Variants in TELO2 observed in about 807,000 individuals in gnomAD.
TELO2 encodes telomere maintenance 2.
TELO2 carries 71 observed loss-of-function variants against 91.0 expected under a neutral mutation model. The ratio of observed to expected loss-of-function variants is 0.78; its 90% CI spans 0.64 to 0.95. The LOEUF (loss-of-function observed/expected upper bound fraction) is 0.95, where lower values mean the gene tolerates loss of function less well. Among genes scored for constraint, TELO2 ranks in the 40% least tolerant of loss-of-function variants. The probability of loss-of-function intolerance (pLI) is 0.00; values close to 1 mark genes in which losing one functional copy is unlikely to be tolerated. For synonymous variants in TELO2, 584 were observed against 518.9 expected (o/e 1.13, Z -1.71); for missense variants, 1,183 against 1,141.3 (o/e 1.04, Z -0.53).
intron 20 of TELO2, among the ~76,000 whole-genome samples, chr16:1,508,385 C>T (rs2039986365): frequency 6.6e-6 from 1 of 152,240 alleles, no homozygotes; most frequent in South Asian, 2.1e-4. Context: ...CCCGCCTCAG[C>T]CTCCCAAAGT....
intron 10 of TELO2, 30 bp from the exon 11 acceptor site, chr16:1,501,633 A>G (rs2039683986): frequency 1.3e-6 from 2 of 1,590,278 alleles, no homozygotes; most frequent in East Asian, 2.2e-5. Context: ...AGGGGCCCCT[A>G]AAGGATTTTT....
chr16:1,502,571 C>A (rs2039729884), intron 13 of TELO2, 74 bp from the exon 14 acceptor site: 2 of 1,559,768 alleles, frequency 1.3e-6, no homozygotes, highest in Non-Finnish European at 1.7e-6. Context: ...GTGGCTCCGG[C>A]CCTGTGAGCC....
At chr16:1,496,025 G>A (rs1009145240) in intron 3 of TELO2, among the ~76,000 whole-genome samples, 1 of 152,234 alleles carries the variant, frequency 6.6e-6, no homozygotes, top group African/African-American at 2.4e-5. Flanking sequence ...TCCCTGGGGC[G>A]CCAGATGGCG....
intron 15 of TELO2, among the ~76,000 whole-genome samples, chr16:1,504,650 C>T (rs1222673438): frequency 3.4e-5 from 5 of 148,088 alleles, no homozygotes; most frequent in South Asian, 2.2e-4. Context: ...CTCCCCCTCC[C>T]GGGTTCACGC....
chr16:1,501,316 C>G, intron 9 of TELO2, 104 bp from the exon 10 acceptor site: 1 of 1,239,232 alleles, frequency 8.1e-7, no homozygotes, highest in Non-Finnish European at 1.1e-6. Context: ...TGAGTGAGAC[C>G]GGGCTGCGAG....
At position 1,497,584 on chromosome 16, in the gene TELO2, T is replaced by G; in HGVS notation, c.830+76T>G. ...CCCAGAGGCTGCCATTCCTTCACGC[T>G]ACTTCTCCTGGGCGCCGTGCTGCAG... On this transcript the variant is annotated intron_variant, in intron 5 of 20. Coordinates refer to ENST00000262319, the MANE Select transcript of TELO2 (RefSeq NM_016111.4). This position sits in a 1 kb window ranked among gnomAD's most constrained non-coding sequence, Gnocchi z 4.0. 1 of 1,472,594 alleles carries G rather than the reference T, an allele frequency of 6.8e-7. No individual in the cohort carries two copies. Among genetic ancestry groups the G allele is most frequent in the Non-Finnish European group, 9.0e-7 (1 of 1,109,754 alleles). The allele number at this position is 1,472,594 out of a possible 1,614,324, so 91.2% of individuals were successfully genotyped here.
chr16:1,508,929 C>T (rs916226645), intron 20 of TELO2, among the ~76,000 whole-genome samples: 1 of 152,154 alleles, frequency 6.6e-6, no homozygotes, highest in Admixed American at 6.5e-5. Flanking sequence ...CTGGGCTTTG[C>T]TTCTTTCAAG....
At chr16:1,495,988 C>T (rs1350003638) in intron 3 of TELO2, among the ~76,000 whole-genome samples, 1 of 152,214 alleles carries the variant, frequency 6.6e-6, no homozygotes, top group Non-Finnish European at 1.5e-5. Context: ...CTGCAGGGCC[C>T]CGTGAGCGCC....
In TELO2 at chr16:1,499,407, G is replaced by C. The variant is rs1445353245; in HGVS notation, c.933+74G>C. 10 of 1,532,118 alleles carry C rather than the reference G, an allele frequency of 6.5e-6. No homozygotes were observed. The Admixed American group carries it at 6.7e-5, about 10-fold the overall frequency. 94.9% of individuals were successfully genotyped at this position (1,532,118 alleles called of 1,614,324 possible). On this transcript the variant is annotated intron_variant, in intron 6 of 20. Coordinates refer to ENST00000262319, the MANE Select transcript of TELO2 (RefSeq NM_016111.4). ...AGAATGGCTGCAAAACATGGGGTCG[G>C]AGCGGTGTCTGCTGCCTGGGAGACC...
chr16:1,505,611 G>C lies in TELO2; in HGVS notation c.2034+10G>C. The C allele has an allele frequency of 6.2e-7, 1 of 1,606,238 alleles. No individual in the cohort carries two copies. Among genetic ancestry groups the C allele is most frequent in the Non-Finnish European group, 8.5e-7 (1 of 1,176,948 alleles). ...CCAGCGGCTCTCCAAGGTTAGTGGC[G>C]CCTGGTCAGCTCCTCACGGGCATGG... is the stretch of plus-strand genomic sequence containing the variant. On this transcript the variant is annotated intron_variant, in intron 16 of 20. Coordinates refer to ENST00000262319, the MANE Select transcript of TELO2 (RefSeq NM_016111.4). This position sits in a 1 kb window ranked among gnomAD's most constrained non-coding sequence, Gnocchi z 4.3.
chr16:1,500,588 C>T lies in TELO2; in HGVS notation c.1170C>T (p.Gly390=), dbSNP rs556246053. The change falls in exon 9 of 21, where the codon GGC becomes GGT. Residue 390 remains glycine, a synonymous_variant. Transcript: ENST00000262319. ...RDELLASMMA[G]VKCRLDSSLP... ...AACTGCTGGCCAGCATGATGGCGGG[C>T]GTGAAGTGCCGCCTGGACAGTAGCC... is the stretch of plus-strand genomic sequence containing the variant. 40 of 1,611,884 alleles carry T rather than the reference C, an allele frequency of 2.5e-5. No homozygotes were observed. In the East Asian group the frequency reaches 3.1e-4, roughly 13 times the overall value.
chr16:1,501,732 C>T lies in TELO2; in HGVS notation c.1431C>T (p.Val477=), dbSNP rs1413156291. ...CCGCAGAGATCGTGGATGGCGGCGT[C>T]CCCCAAGCACAGCTGGCGGGCTCTG... The part of the protein sequence containing the change: ...ETPAEIVDGG[V]PQAQLAGSDS... Residue 477 remains valine, a synonymous_variant, in exon 11 of 21, where the codon GTC becomes GTT. Coordinates refer to ENST00000262319, the MANE Select transcript of TELO2 (RefSeq NM_016111.4). 6.2e-6 allele frequency: 10 copies of T among 1,611,830 alleles called. No homozygotes were observed. Among genetic ancestry groups the T allele is most frequent in the Non-Finnish European group, 8.5e-6 (10 of 1,179,888 alleles).
In TELO2 at chr16:1,493,857, G is replaced by A. The variant is rs1353963707; in HGVS notation, c.-37+252G>A. ...GCCACCTCTCACCGCTCAGGGAGCC[G>A]GGAGGGCCGGCAGCTCCCGCGGGCC... On this transcript the variant is annotated intron_variant, in intron 1 of 20. Transcript: ENST00000262319. The surrounding 1 kb of genome is among the most constrained non-coding windows in gnomAD (Gnocchi z 4.3). Among the ~76,000 whole-genome samples, 2 of 152,266 alleles carry A rather than the reference G, an allele frequency of 1.3e-5. No individual in the cohort carries two copies. The highest frequency in any genetic ancestry group is 2.9e-5 in the Non-Finnish European group (2 of 68,052).
intron 15 of TELO2, among the ~76,000 whole-genome samples, chr16:1,504,551 CTTTTTTTTTTTT>C (rs1169712120): frequency 2.8e-4 from 22 of 79,380 alleles, no homozygotes; most frequent in African/African-American, 8.6e-4. Flanking sequence ...CGTAACTGGT[CTTTTTTTTTTTT>C]TTTTTTTTTT....
chr16:1,506,876 TC>T, intron 17 of TELO2, 75 bp from the exon 18 acceptor site: 2 of 1,483,376 alleles, frequency 1.3e-6, no homozygotes, highest in African/African-American at 2.8e-5. Context: ...TCCCTCGGTC[TC>T]CCACGGTGGC....
rs143327685 is a variant in TELO2 at position 1,507,811 on chromosome 16, GGTGT to G, written c.2407+113_2407+116del. On this transcript the variant is annotated intron_variant, in intron 20 of 20. Coordinates refer to ENST00000262319, the MANE Select transcript of TELO2 (RefSeq NM_016111.4). ...GTGTGTGAGAGATGTGTCGGCCCGG[GGTGT>G]GTGTGTGTGTGTGTGTGATGTGTGT... The G allele has an allele frequency of 2.6e-3, 2,282 of 876,608 alleles. 70 individuals are homozygous for G. Among genetic ancestry groups the G allele is most frequent in the African/African-American group, 0.025 (1,209 of 49,288 alleles). 54.3% of individuals were successfully genotyped at this position (876,608 alleles called of 1,614,324 possible).
rs778676068 is a variant in TELO2, at chr16:1,506,345, G to T, written c.2126+16G>T. The T allele has an allele frequency of 1.9e-5, 30 of 1,613,892 alleles. No homozygotes were observed. The African/African-American group carries it at 3.1e-4, about 17-fold the overall frequency. On this transcript the variant is annotated intron_variant, in intron 17 of 20. Coordinates refer to ENST00000262319, the MANE Select transcript of TELO2 (RefSeq NM_016111.4). ...GCTTTGACAGGTGAGTGGGTTTTCCGTGGGCCTGTGGACTTGGGGGACAGG... is the reference window on the plus strand; with the variant it reads ...GCTTTGACAGGTGAGTGGGTTTTCCTTGGGCCTGTGGACTTGGGGGACAGG...
At chr16:1,504,193 G>A (rs2141055959) in intron 15 of TELO2, among the ~76,000 whole-genome samples, 1 of 151,364 alleles carries the variant, frequency 6.6e-6, no homozygotes, top group South Asian at 2.1e-4. Flanking sequence ...CCAGCACTTT[G>A]GGAGGCTAAG....
Position 1,494,733 on chromosome 16 carries a change from C to G in TELO2, c.335+117C>G. 8.8e-7 allele frequency: 1 copy of G among 1,141,368 alleles called. No homozygotes were observed. The highest frequency in any genetic ancestry group is 1.6e-5 in the South Asian group (1 of 62,046). The allele number at this position is 1,141,368 out of a possible 1,614,324, so 70.7% of individuals were successfully genotyped here. Reference sequence around the variant, plus strand: ...TGTGAGGGGCTAGAGAGAGAGCCTGCTCCTGGCTGAACCCCTGAACAGAAG... The same window carrying G: ...TGTGAGGGGCTAGAGAGAGAGCCTGGTCCTGGCTGAACCCCTGAACAGAAG... On this transcript the variant is annotated intron_variant, in intron 2 of 20. Coordinates refer to ENST00000262319, the MANE Select transcript of TELO2 (RefSeq NM_016111.4). The surrounding 1 kb of genome is among the most constrained non-coding windows in gnomAD (Gnocchi z 5.6).
Sources: allele counts gnomAD v4.1 joint callset (sites outside exome capture counted in the v4.1 genomes callset), GRCh38; gene constraint gnomAD v4.1.1; non-coding constraint Gnocchi (gnomAD v3.1); transcripts MANE v1.5; gene names NCBI Gene and HGNC (gene_info 2026-07-23, HGNC 2026-07-21).